The following BTF3L4 variants were observed in gnomAD, a reference collection of about 807,000 sequenced individuals.
The protein encoded by BTF3L4 is basic transcription factor 3 like 4.
A neutral mutation model predicts 16.8 loss-of-function variants in BTF3L4; 6 were observed. That is an observed-to-expected ratio of 0.36 (90% CI 0.20 to 0.71). BTF3L4 has a LOEUF of 0.71. Among genes scored for constraint, BTF3L4 ranks in the 30% least tolerant of loss-of-function variants. BTF3L4 has a pLI of 0.58. For missense variants in BTF3L4, 92 were observed against 186.9 expected, an observed-to-expected ratio of 0.49 and a Z score of 2.96; for synonymous variants, 39 against 59.8, an observed-to-expected ratio of 0.65 and a Z score of 1.60.
At chr1:52,067,447 C>T (rs990204247) in intron 3 of BTF3L4, among the ~76,000 whole-genome samples, 5 of 152,030 alleles carry the variant, frequency 3.3e-5, no homozygotes, top group African/African-American at 7.2e-5. Flanking sequence ...TGTGACTGTG[C>T]CTTGTTACTC....
chr1:52,075,547 A>G (rs1388480963), intron 3 of BTF3L4, among the ~76,000 whole-genome samples: 1 of 147,214 alleles, frequency 6.8e-6, no homozygotes, highest in Non-Finnish European at 1.5e-5. Context: ...AACCATATAT[A>G]TAAAATAATA....
At chr1:52,081,223 C>T (rs578208922) in intron 3 of BTF3L4, among the ~76,000 whole-genome samples, 3 of 151,834 alleles carry the variant, frequency 2.0e-5, no homozygotes, top group South Asian at 4.2e-4. Flanking sequence ...CTGCAACCTC[C>T]GACTCCTGGG....
chr1:52,057,817 A>G (rs1439299721), intron 1 of BTF3L4, among the ~76,000 whole-genome samples: 1 of 152,168 alleles, frequency 6.6e-6, no homozygotes, highest in African/African-American at 2.4e-5. Flanking sequence ...AAATTTCTCA[A>G]TTCTGTTGTC....
chr1:52,063,826 C>T (rs1439341358), intron 2 of BTF3L4, among the ~76,000 whole-genome samples: 1 of 152,186 alleles, frequency 6.6e-6, no homozygotes, highest in Non-Finnish European at 1.5e-5. Flanking sequence ...CATGTGGTCT[C>T]TTGTGAGAAT....
intron 2 of BTF3L4, among the ~76,000 whole-genome samples, chr1:52,060,237 A>T (rs955114866): frequency 2.0e-5 from 3 of 152,222 alleles, no homozygotes; most frequent in Non-Finnish European, 4.4e-5. Context: ...TTAGGGTAAT[A>T]TTTATAAAAC....
At chr1:52,063,654 AT>A (rs1686574813) in intron 2 of BTF3L4, among the ~76,000 whole-genome samples, 1 of 152,218 alleles carries the variant, frequency 6.6e-6, no homozygotes, top group African/African-American at 2.4e-5. Flanking sequence ...TAGTATTTCA[AT>A]GGAAAAATGT....
At chr1:52,069,759 C>G (rs1390762420) in intron 3 of BTF3L4, among the ~76,000 whole-genome samples, 2 of 152,132 alleles carry the variant, frequency 1.3e-5, no homozygotes, top group African/African-American at 2.4e-5. Flanking sequence ...AGTAGTGGAT[C>G]TCAAAATTCA....
chr1:52,078,229 C>CTTTT (rs376320702), intron 3 of BTF3L4, among the ~76,000 whole-genome samples: 2,352 of 132,106 alleles, frequency 0.018, 74 homozygotes, highest in Non-Finnish European at 0.023. Flanking sequence ...ATTGCTTTTG[C>CTTTT]TTTTTTTTTT....
In BTF3L4 at chr1:52,088,407, G is replaced by A. The variant is rs1407372509; in HGVS notation, c.*1649G>A. 2.0e-5 allele frequency: 3 copies of A among 152,488 alleles called. No individual in the cohort carries two copies. Among genetic ancestry groups the A allele is most frequent in the Admixed American group, 6.6e-5 (1 of 15,260 alleles). The allele number at this position is 152,488 out of a possible 1,614,324, so 9.4% of individuals were successfully genotyped here. A position where few individuals can be genotyped will look rare whatever the true frequency, so the allele number is the denominator to read the frequency against. On this transcript the variant is annotated 3_prime_UTR_variant, in exon 6 of 6. Coordinates refer to ENST00000313334, the MANE Select transcript of BTF3L4 (RefSeq NM_152265.5). ...GCAAAAGAGGAGAATATTTCCTCTT[G>A]TGCTTTTCTTGATGTTGTGTACAGA...
In BTF3L4 at chr1:52,088,861, C is replaced by A. The variant is rs1307168623; in HGVS notation, c.*2103C>A. 1 of 151,760 alleles carries A rather than the reference C, an allele frequency of 6.6e-6. No individual in the cohort carries two copies. Among genetic ancestry groups the A allele is most frequent in the Non-Finnish European group, 1.5e-5 (1 of 68,038 alleles). 9.4% of individuals were successfully genotyped at this position (151,760 alleles called of 1,614,324 possible). The stretch of plus-strand genomic sequence containing the variant: ...TTGTGGTCTCGGCTGACTGCAACCT[C>A]CACCTCCCAGATTCAAGCGATTCTC... On this transcript the variant is annotated 3_prime_UTR_variant, in exon 6 of 6. Transcript: ENST00000313334.
intron 3 of BTF3L4, among the ~76,000 whole-genome samples, chr1:52,078,459 G>A (rs1231268567): frequency 1.3e-5 from 2 of 152,006 alleles, no homozygotes; most frequent in South Asian, 2.1e-4. Flanking sequence ...ATACTATGTC[G>A]AATAAGGCAT....
intron 3 of BTF3L4, among the ~76,000 whole-genome samples, chr1:52,076,593 C>CA (rs71579904): frequency 0.079 from 6,898 of 87,450 alleles, 208 homozygotes; most frequent in African/African-American, 0.14. Context: ...GATTCTGTCT[C>CA]AAAAAAAAAA....
Position 52,088,196 on chromosome 1 carries a change from T to G in BTF3L4, c.*1438T>G, listed in dbSNP as rs963609092. The G allele has an allele frequency of 5.9e-5, 9 of 152,584 alleles. No homozygotes were observed. The highest frequency in any genetic ancestry group is 2.2e-4 in the African/African-American group (9 of 41,440). The allele number at this position is 152,584 out of a possible 1,614,324, so 9.5% of individuals were successfully genotyped here. On this transcript the variant is annotated 3_prime_UTR_variant, in exon 6 of 6. Coordinates refer to ENST00000313334, the MANE Select transcript of BTF3L4 (RefSeq NM_152265.5). ...AACCTTGCAGCTACCAACTTTTGTG[T>G]CAAGCTAGATATCTTTATTTGATAT...
At chr1:52,061,078 G>A (rs929400871) in intron 2 of BTF3L4, among the ~76,000 whole-genome samples, 7 of 152,164 alleles carry the variant, frequency 4.6e-5, no homozygotes, top group African/African-American at 1.7e-4. Context: ...CAATTATAAC[G>A]CAGAATAGTG....
intron 3 of BTF3L4, chr1:52,071,298 G>T (rs1334793680): frequency 6.6e-6 from 1 of 152,178 alleles, no homozygotes; most frequent in East Asian, 1.9e-4. Context: ...GTATAATTCA[G>T]CCTCCATGAA....
Position 52,072,055 on chromosome 1 carries a change from G to A in BTF3L4, c.168+7117G>A, listed in dbSNP as rs1487971004. On this transcript the variant is annotated intron_variant, in intron 3 of 5. Coordinates refer to ENST00000313334, the MANE Select transcript of BTF3L4 (RefSeq NM_152265.5). ...GTTTTTTTTTTTTGGTTTTTTGTTT[G>A]TTTTTTGTTGTTGTTTTGAGGTGCA... Among the ~76,000 whole-genome samples the A allele has an allele frequency of 4.0e-5, 4 of 100,872 alleles. No individual in the cohort carries two copies. In the Admixed American group the frequency reaches 4.1e-4, roughly 10 times the overall value. The allele number at this position is 100,872 out of a possible 152,430, so 66.2% of individuals were successfully genotyped here.
chr1:52,073,352 T>C (rs1232870491), intron 3 of BTF3L4, among the ~76,000 whole-genome samples: 1 of 151,948 alleles, frequency 6.6e-6, no homozygotes, highest in African/African-American at 2.4e-5. Flanking sequence ...ATCAGGAATA[T>C]AGAGAAAATG....
chr1:52,058,709 C>T (rs545113002), intron 1 of BTF3L4, among the ~76,000 whole-genome samples: 3 of 151,938 alleles, frequency 2.0e-5, no homozygotes, highest in Non-Finnish European at 4.4e-5. Context: ...TCAGGCGATT[C>T]TCCTGCCTCA....
intron 3 of BTF3L4, among the ~76,000 whole-genome samples, chr1:52,081,810 G>A (rs1010803626): frequency 6.6e-6 from 1 of 152,162 alleles, no homozygotes; most frequent in African/African-American, 2.4e-5. Context: ...GAAATTATTT[G>A]TGGGTTTAGT....
Sources: allele counts gnomAD v4.1 joint callset (sites outside exome capture counted in the v4.1 genomes callset), GRCh38; gene constraint gnomAD v4.1.1; transcripts MANE v1.5; gene names NCBI Gene and HGNC (gene_info 2026-07-23, HGNC 2026-07-21).